Variants in MGAM2 observed in about 807,000 individuals in gnomAD.
MGAM2 encodes probable maltase-glucoamylase 2.
MGAM2 carries 98 observed loss-of-function variants against 96.1 expected under a neutral mutation model. The observed-to-expected ratio is 1.02, with a 90% confidence interval of 0.87 to 1.21. MGAM2 has a LOEUF of 1.21. MGAM2 is among the 50% of genes most tolerant of loss of function. The pLI, the probability that MGAM2 is intolerant of heterozygous loss-of-function variation, is 0.00. For synonymous variants in MGAM2, 749 were observed against 414.8 expected (o/e 1.81, Z -9.79); for missense variants, 2,055 against 1,182.4 (o/e 1.74, Z -10.82).
chr7:142,154,917 G>A, intron 17 of MGAM2, 72 bp downstream of exon 17: 1 of 691,970 alleles, frequency 1.4e-6, no homozygotes, highest in African/African-American at 1.8e-5. Context: ...GGGGATTTGA[G>A]GAAAATAGTA....
chr7:142,208,063 A>G (rs1014254914), intron 45 of MGAM2, among the ~76,000 whole-genome samples: 1 of 152,186 alleles, frequency 6.6e-6, no homozygotes, highest in Non-Finnish European at 1.5e-5. Flanking sequence ...ATTGCCACTA[A>G]CTAGGTACTA....
intron 15 of MGAM2, among the ~76,000 whole-genome samples, chr7:142,149,565 G>A (rs911243231): frequency 2.6e-5 from 4 of 151,776 alleles, no homozygotes; most frequent in South Asian, 2.1e-4. Context: ...TTTTGAGACG[G>A]AGTCTCGCTC....
At chr7:142,184,408 G>T (rs1430479236) in intron 33 of MGAM2, among the ~76,000 whole-genome samples, 1 of 152,036 alleles carries the variant, frequency 6.6e-6, no homozygotes, top group Non-Finnish European at 1.5e-5. Flanking sequence ...CTGTAATATT[G>T]CCTTCAGTAT....
chr7:142,154,202 T>C lies in MGAM2; in HGVS notation c.1806+13T>C. On this transcript the variant is annotated intron_variant, in intron 16 of 47. Coordinates refer to ENST00000477922, the MANE Select transcript of MGAM2 (RefSeq NM_001293626.2). Reference sequence around the variant, plus strand: ...TGGCATCCCCATGGTGAGCCTTATTTCCAACCAGGGAACTTTAACCCTTTG... The same window carrying C: ...TGGCATCCCCATGGTGAGCCTTATTCCCAACCAGGGAACTTTAACCCTTTG... 1 of 581,886 alleles carries C rather than the reference T, an allele frequency of 1.7e-6. No homozygotes were observed. The highest frequency in any genetic ancestry group is 3.2e-6 in the Non-Finnish European group (1 of 313,366). The allele number at this position is 581,886 out of a possible 1,614,324, so 36.0% of individuals were successfully genotyped here.
At chr7:142,208,740 A>G in intron 46 of MGAM2, 118 bp downstream of exon 46, 1 of 606,020 alleles carries the variant, frequency 1.7e-6, no homozygotes, top group Non-Finnish European at 2.9e-6. Context: ...TCTTGCCTTT[A>G]CTTTTATAAT....
At chr7:142,171,648 A>ATC (rs1389612480) in intron 28 of MGAM2, among the ~76,000 whole-genome samples, 6 of 96,746 alleles carry the variant, frequency 6.2e-5, no homozygotes, top group African/African-American at 2.9e-4. Flanking sequence ...ATATATATAT[A>ATC]TATATATCCA....
chr7:142,175,561 G>A, intron 31 of MGAM2, 91 bp from the exon 32 acceptor site: 1 of 639,728 alleles, frequency 1.6e-6, no homozygotes. Flanking sequence ...GGGCAGGCAG[G>A]CAGCAGGACC....
chr7:142,191,572 C>T (rs4316079), intron 37 of MGAM2, among the ~76,000 whole-genome samples: 7,596 of 152,002 alleles, frequency 0.05, 547 homozygotes, highest in East Asian at 0.16. Context: ...TTTTTGCCTT[C>T]TCAACTCTAT....
rs902402993 is a variant in MGAM2, at chr7:142,183,409, A to G, written c.3924+36A>G. 9 of 696,166 alleles carry G rather than the reference A, an allele frequency of 1.3e-5. No individual in the cohort carries two copies. In the East Asian group the frequency reaches 2.2e-4, roughly 17 times the overall value. 43.1% of individuals were successfully genotyped at this position (696,166 alleles called of 1,614,324 possible). ...GGGAAGATGCTTACAGTTAATTAAC[A>G]TTACAATGTCTTGAAATAAAACAGC... On this transcript the variant is annotated intron_variant, in intron 33 of 47. Transcript: ENST00000477922.
chr7:142,150,955 TTATC>T (rs747541482), intron 15 of MGAM2, among the ~76,000 whole-genome samples: 7 of 152,232 alleles, frequency 4.6e-5, no homozygotes, highest in Non-Finnish European at 8.8e-5. Context: ...CAAAATATGC[TTATC>T]TATAAAACCT....
At position 142,194,095 on chromosome 7, in the gene MGAM2, C is replaced by T. The variant is rs542281633; in HGVS notation, c.4347-2059C>T. Among the ~76,000 whole-genome samples the T allele has an allele frequency of 5.9e-5, 9 of 151,536 alleles. No homozygotes were observed. The South Asian group carries it at 6.3e-4, about 11-fold the overall frequency. On this transcript the variant is annotated intron_variant, in intron 37 of 47. Transcript: ENST00000477922. The stretch of plus-strand genomic sequence containing the variant: ...TCACCCAGGCTGGAGTGCAGTGGCA[C>T]GATTTCGACTCACTGCAACCTCCAT...
intron 21 of MGAM2, among the ~76,000 whole-genome samples, chr7:142,160,881 A>C (rs1014127555): frequency 2.0e-5 from 3 of 152,128 alleles, no homozygotes; most frequent in African/African-American, 7.2e-5. Flanking sequence ...TGTTGGTATT[A>C]TGTATTGCAA....
intron 14 of MGAM2, among the ~76,000 whole-genome samples, chr7:142,146,185 G>T: frequency 8.1e-6 from 1 of 123,342 alleles, no homozygotes. Context: ...CCTCTTTTTG[G>T]CCAAAACTAA....
chr7:142,183,950 C>CTTTTTTTTTTTTTTTTTTTTTTTT lies in MGAM2; in HGVS notation c.3924+594_3924+617dup, dbSNP rs748299647. 4.3e-5 allele frequency among the ~76,000 whole-genome samples: 2 copies of CTTTTTTTTTTTTTTTTTTTTTTTT among 46,112 alleles called. 1 individual carries two copies. The highest frequency in any genetic ancestry group is 9.8e-5 in the Non-Finnish European group (2 of 20,368). 30.3% of individuals were successfully genotyped at this position (46,112 alleles called of 152,430 possible). The stretch of plus-strand genomic sequence containing the variant: ...ACTGCTCTGGATGTATTCCAGGCTC[C>CTTTTTTTTTTTTTTTTTTTTTTTT]TTTTTTTTTTTTTTTTTTTTTTTTT... On this transcript the variant is annotated intron_variant, in intron 33 of 47. Coordinates refer to ENST00000477922, the MANE Select transcript of MGAM2 (RefSeq NM_001293626.2).
chr7:142,203,266 G>T (rs1354765506), intron 45 of MGAM2, among the ~76,000 whole-genome samples: 1 of 152,096 alleles, frequency 6.6e-6, no homozygotes, highest in Non-Finnish European at 1.5e-5. Context: ...CTGTGAAGAA[G>T]CTCTGTAGTT....
rs60052742 is a variant in MGAM2 at position 142,188,109 on chromosome 7, AACACACAC to A, written c.4207+310_4207+317del. Among the ~76,000 whole-genome samples the A allele has an allele frequency of 6.9e-3, 996 of 143,630 alleles. 8 individuals are homozygous for A. Among genetic ancestry groups the A allele is most frequent in the African/African-American group, 0.011 (412 of 38,540 alleles). The allele number at this position is 143,630 out of a possible 152,430, so 94.2% of individuals were successfully genotyped here. A position where few individuals can be genotyped will look rare whatever the true frequency, so the allele number is the denominator to read the frequency against. ...TGCTAAAATTTTAAATAAACCCTTA[AACACACAC>A]ACACACACACACACACACACACACA... On this transcript the variant is annotated intron_variant, in intron 36 of 47. Coordinates refer to ENST00000477922, the MANE Select transcript of MGAM2 (RefSeq NM_001293626.2).
chr7:142,186,714 C>T (rs1796709761), intron 35 of MGAM2, among the ~76,000 whole-genome samples: 1 of 152,200 alleles, frequency 6.6e-6, no homozygotes, highest in Admixed American at 6.5e-5. Flanking sequence ...AAATCTTAAG[C>T]AAGCTCTAGG....
intron 3 of MGAM2, among the ~76,000 whole-genome samples, chr7:142,130,694 C>T (rs1794858497): frequency 6.6e-6 from 1 of 152,164 alleles, no homozygotes; most frequent in Admixed American, 6.5e-5. Flanking sequence ...ATGGATTTGC[C>T]ACTAGACAGT....
chr7:142,124,146 G>A (rs1219676880), intron 3 of MGAM2, among the ~76,000 whole-genome samples: 1 of 151,668 alleles, frequency 6.6e-6, no homozygotes, highest in Admixed American at 6.6e-5. Flanking sequence ...CTAATTTTTT[G>A]TATTTTTAGT....
Sources: gnomAD v4.1 joint callset for allele counts (sites outside exome capture counted in the v4.1 genomes callset) on GRCh38, gnomAD v4.1.1 for gene constraint, MANE v1.5 for transcripts, NCBI Gene and HGNC (gene_info 2026-07-23, HGNC 2026-07-21) for gene names.